The following NKAIN2 variants were observed in gnomAD, a reference collection of about 807,000 sequenced individuals.
NKAIN2 encodes the protein sodium/potassium transporting ATPase interacting 2.
NKAIN2 carries 14 observed loss-of-function variants against 32.6 expected under a neutral mutation model. The ratio of observed to expected loss-of-function variants is 0.43; its 90% CI spans 0.28 to 0.67. The LOEUF is 0.67. Among genes scored for constraint, NKAIN2 ranks in the 30% least tolerant of loss-of-function variants. NKAIN2 has a pLI of 0.17. For synonymous variants in NKAIN2, 80 were observed against 87.2 expected, an observed-to-expected ratio of 0.92 and a Z score of 0.46; for missense variants, 198 against 258.3, an observed-to-expected ratio of 0.77 and a Z score of 1.60.
At chr6:124,585,100 T>C (rs1326302406) in intron 3 of NKAIN2, among the ~76,000 whole-genome samples, 1 of 152,212 alleles carries the variant, frequency 6.6e-6, no homozygotes, top group East Asian at 1.9e-4. Flanking sequence ...AAGTGGTATT[T>C]ATACACGATG....
chr6:124,123,108 A>G lies in NKAIN2; in HGVS notation c.55-159897A>G, dbSNP rs181383283. On this transcript the variant is annotated intron_variant, in intron 1 of 6. Coordinates refer to ENST00000368417, the MANE Select transcript of NKAIN2 (RefSeq NM_001040214.3). ...AGCTCTGTTATTTAGAATTATATCT[A>G]GTATAAATGTAAGCTGTTACTGGAT... Among the ~76,000 whole-genome samples the G allele has an allele frequency of 4.6e-5, 7 of 152,222 alleles. No individual in the cohort carries two copies. In the East Asian group the frequency reaches 1.4e-3, roughly 29 times the overall value.
chr6:124,245,980 G>T (rs1229293316), intron 1 of NKAIN2, among the ~76,000 whole-genome samples: 1 of 152,082 alleles, frequency 6.6e-6, no homozygotes, highest in Non-Finnish European at 1.5e-5. Flanking sequence ...CCTGGTATAT[G>T]CTCACAAAAG....
chr6:124,595,583 C>A (rs1288260572), intron 3 of NKAIN2, among the ~76,000 whole-genome samples: 17 of 152,144 alleles, frequency 1.1e-4, no homozygotes, highest in Admixed American at 1.1e-3. Context: ...CTCTAGATAT[C>A]CTCAGGGAAC....
At chr6:124,812,387 C>T (rs976711113) in intron 5 of NKAIN2, among the ~76,000 whole-genome samples, 4 of 152,094 alleles carry the variant, frequency 2.6e-5, no homozygotes, top group Non-Finnish European at 4.4e-5. Context: ...TTGGTAAATA[C>T]CTATTGAGTG....
chr6:124,508,396 G>A (rs1778574761), intron 3 of NKAIN2, among the ~76,000 whole-genome samples: 1 of 151,592 alleles, frequency 6.6e-6, no homozygotes, highest in Admixed American at 6.6e-5. Flanking sequence ...CCAGGCTGGA[G>A]TGCAGTGGCT....
At chr6:124,304,716 C>A (rs1299717557) in intron 2 of NKAIN2, among the ~76,000 whole-genome samples, 3 of 151,816 alleles carry the variant, frequency 2.0e-5, no homozygotes, top group African/African-American at 2.4e-5. Flanking sequence ...AAGATAGAGA[C>A]CATTCTGGCC....
intron 1 of NKAIN2, among the ~76,000 whole-genome samples, chr6:123,986,591 G>C (rs1195745519): frequency 6.6e-6 from 1 of 152,034 alleles, no homozygotes; most frequent in African/African-American, 2.4e-5. Flanking sequence ...CACTCAACTT[G>C]GGAGATTTTT....
intron 3 of NKAIN2, among the ~76,000 whole-genome samples, chr6:124,597,561 C>T (rs368378991): frequency 6.6e-6 from 1 of 151,958 alleles, no homozygotes; most frequent in African/African-American, 2.4e-5. Context: ...ATGAAAAATA[C>T]CATTTCATTT....
chr6:123,852,021 T>C (rs1021803410), intron 1 of NKAIN2, among the ~76,000 whole-genome samples: 1 of 152,202 alleles, frequency 6.6e-6, no homozygotes, highest in Non-Finnish European at 1.5e-5. Context: ...TCAAAAAAAT[T>C]ATTGCCCAGA....
chr6:124,285,935 G>A (rs1795518167), intron 2 of NKAIN2, among the ~76,000 whole-genome samples: 1 of 152,096 alleles, frequency 6.6e-6, no homozygotes, highest in Admixed American at 6.6e-5. Context: ...TGATTAAATG[G>A]AAAAGGATCA....
intron 3 of NKAIN2, among the ~76,000 whole-genome samples, chr6:124,497,346 A>C (rs1211097902): frequency 6.6e-6 from 1 of 152,158 alleles, no homozygotes; most frequent in African/African-American, 2.4e-5. Context: ...CATCATATTT[A>C]ATTTTTTTCT....
intron 2 of NKAIN2, among the ~76,000 whole-genome samples, chr6:124,350,545 T>A (rs1377434956): frequency 6.6e-6 from 1 of 152,224 alleles, no homozygotes; most frequent in Non-Finnish European, 1.5e-5. Flanking sequence ...TGGATAGTGA[T>A]GCACAAGTAG....
intron 4 of NKAIN2, among the ~76,000 whole-genome samples, chr6:124,697,404 ATACC>A (rs1774549171): frequency 6.6e-6 from 1 of 152,198 alleles, no homozygotes; most frequent in South Asian, 2.1e-4. Context: ...TAACCATGTA[ATACC>A]TAACTTATAT....
At chr6:124,165,240 T>A (rs1474856229) in intron 1 of NKAIN2, among the ~76,000 whole-genome samples, 1 of 152,064 alleles carries the variant, frequency 6.6e-6, no homozygotes, top group Admixed American at 6.6e-5. Flanking sequence ...TAAGAAGCTT[T>A]CTTTAATAAT....
intron 1 of NKAIN2, among the ~76,000 whole-genome samples, chr6:123,879,955 T>C (rs996410501): frequency 6.6e-6 from 1 of 152,188 alleles, no homozygotes; most frequent in Non-Finnish European, 1.5e-5. Context: ...CTCCCTGGTG[T>C]CTTGGGGGAA....
intron 2 of NKAIN2, among the ~76,000 whole-genome samples, chr6:124,331,187 T>C (rs561499879): frequency 1.0e-3 from 158 of 151,714 alleles, no homozygotes; most frequent in African/African-American, 3.6e-3. Flanking sequence ...TTTTTTTCAA[T>C]TTAGAGTTAG....
intron 1 of NKAIN2, among the ~76,000 whole-genome samples, chr6:123,991,884 A>G (rs1425179798): frequency 6.6e-6 from 1 of 151,972 alleles, no homozygotes; most frequent in Non-Finnish European, 1.5e-5. Context: ...GTGTGTATAT[A>G]TATACATATA....
chr6:124,114,250 AC>A (rs1367139223), intron 1 of NKAIN2, among the ~76,000 whole-genome samples: 4 of 152,064 alleles, frequency 2.6e-5, no homozygotes, highest in African/African-American at 9.7e-5. Context: ...TTTTTTATGG[AC>A]ATTGAGTAGG....
chr6:124,467,107 C>T (rs1048952376), intron 3 of NKAIN2, among the ~76,000 whole-genome samples: 5 of 152,064 alleles, frequency 3.3e-5, no homozygotes, highest in African/African-American at 9.7e-5. Context: ...ATACTTCATA[C>T]ATGAGTCAAT....
Sources: gnomAD v4.1 joint callset for allele counts (sites outside exome capture counted in the v4.1 genomes callset) on GRCh38, gnomAD v4.1.1 for gene constraint, MANE v1.5 for transcripts, NCBI Gene and HGNC (gene_info 2026-07-23, HGNC 2026-07-21) for gene names.